DLGAP1: variants seen among roughly 807,000 people sequenced by gnomAD.
The protein encoded by DLGAP1 is DLG associated protein 1.
In DLGAP1, 11 loss-of-function variants were observed where a neutral mutation model predicts 90.8. The observed-to-expected ratio is 0.12, with a 90% CI of 0.08 to 0.20. The LOEUF (loss-of-function observed/expected upper bound fraction) is 0.20, where lower values mean the gene tolerates loss of function less well. Ranked by LOEUF, DLGAP1 falls within the 10% of genes least tolerant of loss-of-function variation. The probability of loss-of-function intolerance (pLI) is 1.00; values close to 1 mark genes in which losing one functional copy is unlikely to be tolerated. For synonymous variants in DLGAP1, 558 were observed against 540.7 expected (o/e 1.03, Z -0.44); for missense variants, 1,050 against 1,333.8 (o/e 0.79, Z 3.31).
At chr18:4,136,280 T>C (rs1338111493) in intron 2 of DLGAP1, among the ~76,000 whole-genome samples, 1 of 152,188 alleles carries the variant, frequency 6.6e-6, no homozygotes, top group Admixed American at 6.5e-5. Context: ...ATTGTGGGAT[T>C]GTATGATAGC....
At chr18:3,772,649 T>G (rs2064737384) in intron 5 of DLGAP1, among the ~76,000 whole-genome samples, 1 of 151,730 alleles carries the variant, frequency 6.6e-6, no homozygotes, top group Non-Finnish European at 1.5e-5. Flanking sequence ...TATTATATCC[T>G]CAATTTCTGA....
chr18:3,880,457 C>T (rs1306009370), intron 3 of DLGAP1, among the ~76,000 whole-genome samples: 1 of 151,858 alleles, frequency 6.6e-6, no homozygotes, highest in Non-Finnish European at 1.5e-5. Context: ...GGATTACAGG[C>T]GTGAGCAACC....
chr18:3,983,337 G>T (rs1367414265), intron 3 of DLGAP1: 2 of 152,172 alleles, frequency 1.3e-5, no homozygotes, highest in Non-Finnish European at 2.9e-5. Flanking sequence ...TTATTTGTAT[G>T]TTCTAACAGG....
Position 3,637,545 on chromosome 18 carries a change from G to A in DLGAP1, c.1592-55297C>T, listed in dbSNP as rs1411121222. On this transcript the variant is annotated intron_variant, in intron 7 of 12. Coordinates refer to ENST00000315677, the MANE Select transcript of DLGAP1 (RefSeq NM_004746.4). ...GCCCAGGAGTTCAAGACCAGCCTGG[G>A]CAACATGGCAAAACCCTGTCTCCCC... Among the ~76,000 whole-genome samples, 5 of 145,116 alleles carry A rather than the reference G, an allele frequency of 3.4e-5. No homozygotes were observed. In the East Asian group the frequency reaches 8.1e-4, roughly 23 times the overall value.
At position 3,867,017 on chromosome 18, in the gene DLGAP1, A is replaced by C. The variant is rs540833159; in HGVS notation, c.957+12095T>G. Among the ~76,000 whole-genome samples the C allele has an allele frequency of 5.3e-5, 8 of 152,172 alleles. No individual in the cohort carries two copies. The East Asian group carries it at 1.5e-3, about 29-fold the overall frequency. ...CAGGCACATGCCACCACACCCGGCTAATTTTTTTGTATCTTTAGTAGAGAC... is the reference window on the plus strand; with the variant it reads ...CAGGCACATGCCACCACACCCGGCTCATTTTTTTGTATCTTTAGTAGAGAC... On this transcript the variant is annotated intron_variant, in intron 4 of 12. Coordinates refer to ENST00000315677, the MANE Select transcript of DLGAP1 (RefSeq NM_004746.4).
At chr18:3,591,356 G>A (rs2056234260) in intron 7 of DLGAP1, among the ~76,000 whole-genome samples, 1 of 152,070 alleles carries the variant, frequency 6.6e-6, no homozygotes, top group African/African-American at 2.4e-5. Flanking sequence ...GTAATGTCAG[G>A]TAAGGTGTCT....
chr18:4,056,308 G>A (rs28407910), intron 2 of DLGAP1, among the ~76,000 whole-genome samples: 33,844 of 152,124 alleles, frequency 0.22, 4,018 homozygotes, highest in East Asian at 0.4. Flanking sequence ...TCCTAAGAGC[G>A]CTAGCACTGT....
chr18:3,895,313 ACACACACAT>A (rs1264960008), intron 3 of DLGAP1, among the ~76,000 whole-genome samples: 54 of 149,556 alleles, frequency 3.6e-4, no homozygotes, highest in African/African-American at 1.3e-3. Context: ...ACACACACAC[ACACACACAT>A]CATCATCATC....
chr18:3,717,774 T>C (rs1411978652), intron 7 of DLGAP1, among the ~76,000 whole-genome samples: 1 of 152,232 alleles, frequency 6.6e-6, no homozygotes, highest in Non-Finnish European at 1.5e-5. Flanking sequence ...GCAAATTCTA[T>C]GTACAAGAAC....
intron 3 of DLGAP1, chr18:3,896,635 T>C (rs1181336910): frequency 6.6e-6 from 1 of 152,264 alleles, no homozygotes; most frequent in African/African-American, 2.4e-5. Flanking sequence ...CCCCAAAGTA[T>C]GGCACCTTGG....
At chr18:3,725,865 G>A (rs1393685842) in intron 7 of DLGAP1, among the ~76,000 whole-genome samples, 3 of 152,158 alleles carry the variant, frequency 2.0e-5, no homozygotes, top group African/African-American at 7.2e-5. Context: ...CAGCCACCTA[G>A]AGCTGAGCCC....
At chr18:4,399,550 T>G (rs1226791221) in intron 1 of DLGAP1, among the ~76,000 whole-genome samples, 2 of 152,360 alleles carry the variant, frequency 1.3e-5, no homozygotes, top group Admixed American at 1.3e-4. Context: ...CAAGTGTTAT[T>G]TTTCACTATT....
chr18:4,178,211 A>G (rs1163464865), intron 1 of DLGAP1, among the ~76,000 whole-genome samples: 1 of 130,810 alleles, frequency 7.6e-6, no homozygotes, highest in African/African-American at 3.0e-5. Context: ...AAACACACAC[A>G]CACACACACA....
chr18:3,966,727 T>C (rs1376787219), intron 3 of DLGAP1, among the ~76,000 whole-genome samples: 1 of 152,212 alleles, frequency 6.6e-6, no homozygotes, highest in Non-Finnish European at 1.5e-5. Flanking sequence ...GATTTTGTTT[T>C]GGACCTGTTA....
At chr18:4,043,949 G>A (rs2075012939) in intron 2 of DLGAP1, among the ~76,000 whole-genome samples, 1 of 152,188 alleles carries the variant, frequency 6.6e-6, no homozygotes. Flanking sequence ...TCTTAGCATT[G>A]TGTAACGAAG....
In DLGAP1 at chr18:3,814,827, A is replaced by ATTTAATGTAT. The variant is rs1317272638; in HGVS notation, c.958-555_958-554insATACATTAAA. On this transcript the variant is annotated intron_variant, in intron 4 of 12. Transcript: ENST00000315677. ...TATCGTCTTAGTTATTTAAAAATGT[A>ATTTAATGTAT]TAAATAAGACCAAGTATTTTCTTTT... Among the ~76,000 whole-genome samples, 5 of 152,362 alleles carry ATTTAATGTAT rather than the reference A, an allele frequency of 3.3e-5. 1 individual carries two copies. The highest frequency in any genetic ancestry group is 3.3e-4 in the Admixed American group (5 of 15,304).
intron 3 of DLGAP1, among the ~76,000 whole-genome samples, chr18:3,917,613 C>T (rs189523538): frequency 6.6e-5 from 10 of 152,228 alleles, no homozygotes; most frequent in East Asian, 3.9e-4. Flanking sequence ...TGAGTAAACA[C>T]CAAAGAGCTG....
intron 2 of DLGAP1, among the ~76,000 whole-genome samples, chr18:4,089,836 G>T (rs1241890844): frequency 1.3e-5 from 2 of 152,180 alleles, no homozygotes; most frequent in Non-Finnish European, 2.9e-5. Context: ...ACGAGGTCAG[G>T]AGATCGAGAC....
At chr18:3,914,023 T>C (rs1164289663) in intron 3 of DLGAP1, among the ~76,000 whole-genome samples, 1 of 152,136 alleles carries the variant, frequency 6.6e-6, no homozygotes, top group Non-Finnish European at 1.5e-5. Context: ...GCTTTCTTTT[T>C]CCCCACCATA....
Sources: allele counts gnomAD v4.1 joint callset (sites outside exome capture counted in the v4.1 genomes callset), GRCh38; gene constraint gnomAD v4.1.1; transcripts MANE v1.5; gene names NCBI Gene and HGNC (gene_info 2026-07-23, HGNC 2026-07-21).